The following TNR variants were observed in gnomAD, a reference collection of about 807,000 sequenced individuals.
The protein encoded by TNR is tenascin R.
A neutral mutation model predicts 150.4 loss-of-function variants in TNR; 45 were observed. That is an observed-to-expected ratio of 0.30 (90% CI 0.24 to 0.38). TNR has a LOEUF of 0.38. Among genes scored for constraint, TNR ranks in the 10% least tolerant of loss-of-function variants. TNR has a pLI of 1.00. For synonymous variants in TNR, 687 were observed against 678.4 expected (o/e 1.01, Z -0.20); for missense variants, 1,544 against 1,759.1 (o/e 0.88, Z 2.19).
intron 1 of TNR, among the ~76,000 whole-genome samples, chr1:175,629,428 G>C (rs994339506): frequency 6.6e-6 from 1 of 152,182 alleles, no homozygotes; most frequent in East Asian, 1.9e-4. Context: ...GTGGAGGGCA[G>C]GCCTGCAGAG....
At chr1:175,323,723 G>C (rs1227953624) in intron 22 of TNR, among the ~76,000 whole-genome samples, 1 of 152,226 alleles carries the variant, frequency 6.6e-6, no homozygotes, top group Non-Finnish European at 1.5e-5. Flanking sequence ...CTTATTGCCA[G>C]CTTTGTTTTT....
intron 2 of TNR, among the ~76,000 whole-genome samples, chr1:175,427,110 T>C (rs959780561): frequency 6.0e-5 from 9 of 150,856 alleles, no homozygotes; most frequent in Admixed American, 1.3e-4. Context: ...CCATGCATTC[T>C]AATATAATTT....
intron 18 of TNR, among the ~76,000 whole-genome samples, chr1:175,353,711 G>C (rs117901847): frequency 6.6e-6 from 1 of 152,118 alleles, no homozygotes; most frequent in Admixed American, 6.6e-5. Flanking sequence ...TAATGTTGAG[G>C]GTTTACTACT....
At chr1:175,536,416 C>T (rs1046653771) in intron 1 of TNR, among the ~76,000 whole-genome samples, 4 of 152,196 alleles carry the variant, frequency 2.6e-5, no homozygotes, top group Admixed American at 1.3e-4. Context: ...CTGCAGAATC[C>T]TCACAAAGAG....
chr1:175,565,689 C>A (rs115972720), intron 1 of TNR, among the ~76,000 whole-genome samples: 194 of 152,262 alleles, frequency 1.3e-3, no homozygotes, highest in African/African-American at 4.4e-3. Flanking sequence ...ACTTTACCCT[C>A]AGAAAACAAT....
chr1:175,324,716 C>T (rs1197521416), intron 21 of TNR, among the ~76,000 whole-genome samples, 197 bp from the exon 22 acceptor site: 1 of 152,176 alleles, frequency 6.6e-6, no homozygotes, highest in Non-Finnish European at 1.5e-5. Flanking sequence ...GCTACTCTCT[C>T]CAACCCACTT....
chr1:175,546,971 G>T (rs537104614), intron 1 of TNR, among the ~76,000 whole-genome samples: 49 of 152,208 alleles, frequency 3.2e-4, no homozygotes, highest in Non-Finnish European at 6.6e-4. Context: ...CAAAGTGCCA[G>T]TCACTTTCCC....
chr1:175,423,587 C>A (rs1023217818), intron 2 of TNR, among the ~76,000 whole-genome samples: 1 of 152,134 alleles, frequency 6.6e-6, no homozygotes, highest in African/African-American at 2.4e-5. Context: ...TAAAATATTT[C>A]TTGGTTTTTC....
intron 18 of TNR, among the ~76,000 whole-genome samples, chr1:175,345,364 G>A (rs1021641511): frequency 5.3e-5 from 8 of 152,140 alleles, no homozygotes; most frequent in Admixed American, 1.3e-4. Flanking sequence ...TCACTGAAGA[G>A]TAAGACTACT....
At position 175,743,509 on chromosome 1, in the gene TNR, C is replaced by T. The variant is rs1195910226; in HGVS notation, c.-448G>A. On this transcript the variant is annotated 5_prime_UTR_variant, in exon 1 of 23. Coordinates refer to ENST00000367674, the MANE Select transcript of TNR (RefSeq NM_003285.3). ...GGTAATTCCTTGGGTCAGAGAGGAC[C>T]CCCTTCTCTCACTCTCCCTGGGTCT... is the stretch of plus-strand genomic sequence containing the variant. 1 of 152,164 alleles carries T rather than the reference C, an allele frequency of 6.6e-6. No homozygotes were observed. The highest frequency in any genetic ancestry group is 2.1e-4 in the South Asian group (1 of 4,816). 9.4% of individuals were successfully genotyped at this position (152,164 alleles called of 1,614,324 possible).
intron 1 of TNR, among the ~76,000 whole-genome samples, chr1:175,717,959 C>T (rs1389078619): frequency 6.6e-6 from 1 of 152,198 alleles, no homozygotes; most frequent in Non-Finnish European, 1.5e-5. Flanking sequence ...ACTCCAGGGA[C>T]AAGGACTGAG....
At chr1:175,386,879 T>C (rs34784860) in intron 7 of TNR, among the ~76,000 whole-genome samples, 8,205 of 152,312 alleles carry the variant, frequency 0.054, 307 homozygotes, top group Middle Eastern at 0.17. Context: ...GAAACATGCC[T>C]TCTGGGTAAA....
At chr1:175,704,894 A>G (rs1277983557) in intron 1 of TNR, among the ~76,000 whole-genome samples, 3 of 152,084 alleles carry the variant, frequency 2.0e-5, no homozygotes, top group African/African-American at 7.2e-5. Context: ...TTTTCGGGAT[A>G]ATTTCCTTTA....
chr1:175,683,480 A>C (rs1021585925), intron 1 of TNR, among the ~76,000 whole-genome samples: 2 of 152,204 alleles, frequency 1.3e-5, no homozygotes, highest in African/African-American at 2.4e-5. Context: ...AAAGGCTCTG[A>C]AAACGTCTAA....
chr1:175,376,126 C>T (rs540657703), intron 9 of TNR, among the ~76,000 whole-genome samples: 7 of 152,164 alleles, frequency 4.6e-5, no homozygotes, highest in Non-Finnish European at 1.0e-4. Context: ...GGGGAAGAGG[C>T]CTCCAACATC....
intron 2 of TNR, among the ~76,000 whole-genome samples, chr1:175,517,806 A>G (rs958847037): frequency 9.9e-5 from 15 of 152,128 alleles, no homozygotes; most frequent in Middle Eastern, 3.2e-3. Context: ...TCTTGCTCAC[A>G]TCTCCACATG....
At chr1:175,739,739 A>C (rs1236676493) in intron 1 of TNR, among the ~76,000 whole-genome samples, 4 of 152,126 alleles carry the variant, frequency 2.6e-5, no homozygotes, top group Admixed American at 2.6e-4. Flanking sequence ...CACCCTCCTC[A>C]GCCATGACCT....
chr1:175,528,234 G>C (rs1659926735), intron 2 of TNR, 35 bp downstream of exon 2: 1 of 152,146 alleles, frequency 6.6e-6, no homozygotes, highest in Admixed American at 6.5e-5. Flanking sequence ...ACTGGCCATG[G>C]GAATGATGAA....
At chr1:175,506,263 T>G (rs185755360) in intron 2 of TNR, among the ~76,000 whole-genome samples, 8 of 152,328 alleles carry the variant, frequency 5.3e-5, no homozygotes, top group Middle Eastern at 3.4e-3. Flanking sequence ...GCCTTTCTGT[T>G]ATATTTGTTC....
Sources: allele counts gnomAD v4.1 joint callset (sites outside exome capture counted in the v4.1 genomes callset), GRCh38; gene constraint gnomAD v4.1.1; transcripts MANE v1.5; gene names NCBI Gene and HGNC (gene_info 2026-07-23, HGNC 2026-07-21).